The following TAS2R1 variants were observed in gnomAD, a reference collection of about 807,000 sequenced individuals.
TAS2R1 encodes the protein taste receptor type 2 member 1.
For synonymous variants in TAS2R1, 141 were observed against 134.2 expected (o/e 1.05, Z -0.35); for missense variants, 370 against 353.4 (o/e 1.05, Z -0.38).
the TAS2R1 span, among the ~76,000 whole-genome samples, chr5:9,871,440 G>T: frequency 6.6e-6 from 1 of 152,060 alleles, no homozygotes; most frequent in Non-Finnish European, 1.5e-5. Flanking sequence ...TGACTTCCTG[G>T]TACCACCCAA....
At chr5:9,810,836 T>A in the TAS2R1 span, among the ~76,000 whole-genome samples, 2 of 152,152 alleles carry the variant, frequency 1.3e-5, no homozygotes, top group Admixed American at 1.3e-4. Context: ...CTTCTTCCAA[T>A]GGAAAATGTT....
intron 1 of TAS2R1, among the ~76,000 whole-genome samples, chr5:9,671,046 G>T (rs1740742591): frequency 6.6e-6 from 1 of 152,162 alleles, no homozygotes; most frequent in South Asian, 2.1e-4. Context: ...AAAAGCACAT[G>T]ATTATCTCAA....
the TAS2R1 span, among the ~76,000 whole-genome samples, chr5:9,737,435 T>C: frequency 6.6e-6 from 1 of 152,186 alleles, no homozygotes; most frequent in Non-Finnish European, 1.5e-5. Context: ...TCATAAAATC[T>C]TTGTGTCAGG....
the TAS2R1 span, among the ~76,000 whole-genome samples, chr5:9,719,928 AAAAAAAAAAAC>A: frequency 1.4e-5 from 2 of 139,336 alleles, no homozygotes; most frequent in Admixed American, 7.1e-5. Context: ...CAAAAAAAAA[AAAAAAAAAAAC>A]AAAAACAAAA....
intron 1 of TAS2R1, among the ~76,000 whole-genome samples, chr5:9,678,644 A>T (rs532638470): frequency 6.6e-6 from 1 of 152,182 alleles, no homozygotes; most frequent in African/African-American, 2.4e-5. Context: ...ACACAGATGG[A>T]CCTGGAAGCT....
the TAS2R1 span, among the ~76,000 whole-genome samples, chr5:9,779,662 A>T: frequency 1.3e-5 from 2 of 152,228 alleles, no homozygotes; most frequent in African/African-American, 4.8e-5. Context: ...GATGCTTCCA[A>T]ACAATTATGA....
At chr5:9,716,905 G>A (rs189484994), upstream of TAS2R1, among the ~76,000 whole-genome samples, 3 of 152,050 alleles carry the variant, frequency 2.0e-5, no homozygotes, top group Admixed American at 6.5e-5. Flanking sequence ...CGATCGATAC[G>A]GAAGACAGAT....
At chr5:9,898,850 C>T in the TAS2R1 span, among the ~76,000 whole-genome samples, 21,289 of 152,200 alleles carry the variant, frequency 0.14, 1,642 homozygotes, top group East Asian at 0.27. Context: ...AATATTCCAA[C>T]GATCATGCGC....
At chr5:9,774,952 A>T in the TAS2R1 span, among the ~76,000 whole-genome samples, 1 of 152,236 alleles carries the variant, frequency 6.6e-6, no homozygotes, top group Non-Finnish European at 1.5e-5. Flanking sequence ...TATTCACTCA[A>T]GGCCCTAGGG....
the TAS2R1 span, among the ~76,000 whole-genome samples, chr5:9,815,277 C>A: frequency 6.6e-6 from 1 of 152,118 alleles, no homozygotes; most frequent in Admixed American, 6.5e-5. Flanking sequence ...GGGGAAAATA[C>A]CAGAAATGTG....
chr5:9,829,955 G>A, the TAS2R1 span, among the ~76,000 whole-genome samples: 1 of 152,142 alleles, frequency 6.6e-6, no homozygotes, highest in Non-Finnish European at 1.5e-5. Flanking sequence ...AATACCTCAG[G>A]ACCCTGAGAT....
the TAS2R1 span, among the ~76,000 whole-genome samples, chr5:9,867,416 G>A: frequency 3.9e-5 from 6 of 152,160 alleles, no homozygotes; most frequent in Admixed American, 3.3e-4. Context: ...AAGAGCAAAG[G>A]AATGTCTTAA....
chr5:9,794,648 C>A, the TAS2R1 span, among the ~76,000 whole-genome samples: 1 of 152,134 alleles, frequency 6.6e-6, no homozygotes, highest in South Asian at 2.1e-4. Flanking sequence ...CCTAAGTAAA[C>A]TTTTCTGAGA....
upstream of TAS2R1, chr5:9,713,138 G>C (rs1049236977): frequency 9.2e-5 from 14 of 152,102 alleles, no homozygotes; most frequent in Non-Finnish European, 1.5e-4. Context: ...CGTTTGTGCA[G>C]ATCCCTCTCA....
At chr5:9,844,777 T>G in the TAS2R1 span, among the ~76,000 whole-genome samples, 1 of 152,152 alleles carries the variant, frequency 6.6e-6, no homozygotes, top group Admixed American at 6.5e-5. Context: ...AAAAGTAAGC[T>G]AATCAAAGAG....
At chr5:9,694,465 T>G (rs1741317579) in intron 1 of TAS2R1, among the ~76,000 whole-genome samples, 1 of 152,182 alleles carries the variant, frequency 6.6e-6, no homozygotes, top group African/African-American at 2.4e-5. Context: ...GTTACCCTAC[T>G]TACAAAACAA....
At chr5:9,756,529 T>C in the TAS2R1 span, among the ~76,000 whole-genome samples, 2 of 152,184 alleles carry the variant, frequency 1.3e-5, no homozygotes, top group African/African-American at 4.8e-5. Context: ...CTCTTCTAAT[T>C]TGACAGCTTT....
the TAS2R1 span, among the ~76,000 whole-genome samples, chr5:9,839,789 C>T: frequency 0.059 from 9,029 of 151,958 alleles, 634 homozygotes; most frequent in East Asian, 0.23. Flanking sequence ...TAAGGTAGTC[C>T]ATTACAGGTA....
the TAS2R1 span, among the ~76,000 whole-genome samples, chr5:9,861,556 C>G: frequency 6.6e-6 from 1 of 152,174 alleles, no homozygotes; most frequent in Non-Finnish European, 1.5e-5. Context: ...GTTTCAGAGT[C>G]TTGTCTATGG....
Sources: allele counts gnomAD v4.1 joint callset (sites outside exome capture counted in the v4.1 genomes callset), GRCh38; gene constraint gnomAD v4.1.1; transcripts MANE v1.5; gene names NCBI Gene and HGNC (gene_info 2026-07-23, HGNC 2026-07-21).